Variants in TYW1 observed in about 807,000 individuals in gnomAD.
TYW1 encodes S-adenosyl-L-methionine-dependent tRNA 4-demethylwyosine synthase TYW1.
Under a neutral mutation model 96.2 loss-of-function variants are expected in TYW1, and 46 were observed. That is an observed-to-expected ratio of 0.48 (90% CI 0.38 to 0.61). The LOEUF (loss-of-function observed/expected upper bound fraction) is 0.61. Among genes scored for constraint, TYW1 ranks in the 20% least tolerant of loss-of-function variants. TYW1 has a pLI of 0.00. For synonymous variants in TYW1, 274 were observed against 323.0 expected (o/e 0.85, Z 1.63); for missense variants, 684 against 909.6 (o/e 0.75, Z 3.19).
chr7:67,073,684 G>A (rs1796108218), intron 10 of TYW1, among the ~76,000 whole-genome samples: 1 of 136,670 alleles, frequency 7.3e-6, no homozygotes, highest in Non-Finnish European at 1.5e-5. Flanking sequence ...TGAGGCAGGA[G>A]AACTGCTTGA....
chr7:67,039,406 C>T (rs1166455019), intron 7 of TYW1, among the ~76,000 whole-genome samples: 1 of 150,034 alleles, frequency 6.7e-6, no homozygotes, highest in Non-Finnish European at 1.5e-5. Context: ...TGCAGTGAGC[C>T]GAGATCCCGC....
At chr7:67,186,879 C>A (rs1800042461) in intron 14 of TYW1, among the ~76,000 whole-genome samples, 1 of 152,024 alleles carries the variant, frequency 6.6e-6, no homozygotes, top group East Asian at 1.9e-4. Flanking sequence ...TTTGTGAGCT[C>A]TCTCCATGTG....
intron 15 of TYW1, among the ~76,000 whole-genome samples, chr7:67,226,507 A>C (rs558081275): frequency 6.6e-6 from 1 of 152,284 alleles, no homozygotes; most frequent in African/African-American, 2.4e-5. Flanking sequence ...TCAAGAGGAC[A>C]TCTTCAGTTC....
chr7:67,238,178 T>C, intron 15 of TYW1, 130 bp from the exon 16 acceptor site: 1 of 1,371,112 alleles, frequency 7.3e-7, no homozygotes, highest in Non-Finnish European at 9.8e-7. Flanking sequence ...TTTTTTTGTG[T>C]TTGTTTTTGT....
chr7:67,220,292 C>T (rs1377130410), intron 15 of TYW1, among the ~76,000 whole-genome samples: 10 of 149,420 alleles, frequency 6.7e-5, no homozygotes, highest in Admixed American at 2.0e-4. Flanking sequence ...CAAGCTCCGC[C>T]TCCCGGGTTC....
At chr7:67,205,831 G>C (rs1800779732) in intron 15 of TYW1, among the ~76,000 whole-genome samples, 1 of 151,924 alleles carries the variant, frequency 6.6e-6, no homozygotes, top group Admixed American at 6.6e-5. Flanking sequence ...CGCAGCCATT[G>C]GTGTTTCTGG....
intron 11 of TYW1, among the ~76,000 whole-genome samples, chr7:67,093,224 C>A (rs1321528502): frequency 6.6e-6 from 1 of 152,114 alleles, no homozygotes; most frequent in East Asian, 1.9e-4. Flanking sequence ...AAAACATTTG[C>A]AGCTAGCACG....
chr7:67,020,243 A>T (rs1187533260), intron 6 of TYW1, among the ~76,000 whole-genome samples: 1 of 152,270 alleles, frequency 6.6e-6, no homozygotes, highest in Non-Finnish European at 1.5e-5. Flanking sequence ...AGTAGACAGG[A>T]TGGTGGCTCA....
chr7:67,100,814 A>G (rs1285611426), intron 12 of TYW1, among the ~76,000 whole-genome samples: 1 of 150,294 alleles, frequency 6.7e-6, no homozygotes, highest in Admixed American at 6.7e-5. Flanking sequence ...CAGTGAGCCA[A>G]GATCACGCCA....
At chr7:67,089,640 G>A (rs1465761048) in intron 11 of TYW1, among the ~76,000 whole-genome samples, 7 of 152,180 alleles carry the variant, frequency 4.6e-5, no homozygotes, top group Non-Finnish European at 1.0e-4. Flanking sequence ...TCCCCAACTG[G>A]AGCTACGTGG....
At chr7:67,017,115 C>T (rs1002185273) in intron 5 of TYW1, among the ~76,000 whole-genome samples, 1 of 151,536 alleles carries the variant, frequency 6.6e-6, no homozygotes, top group Non-Finnish European at 1.5e-5. Context: ...TACAAGTAGC[C>T]TGAATTATAG....
At chr7:67,016,263 T>TA (rs1794019694) in intron 5 of TYW1, among the ~76,000 whole-genome samples, 2 of 144,728 alleles carry the variant, frequency 1.4e-5, no homozygotes, top group Admixed American at 7.6e-5. Flanking sequence ...AAAAGCTGTT[T>TA]ACGGCCGGGC....
intron 13 of TYW1, among the ~76,000 whole-genome samples, chr7:67,165,793 G>A (rs141922724): frequency 0.034 from 5,163 of 152,148 alleles, 263 homozygotes; most frequent in African/African-American, 0.12. Context: ...AGCCAGGTGC[G>A]GTGGCACACA....
intron 3 of TYW1, among the ~76,000 whole-genome samples, chr7:67,003,574 G>A (rs572387656): frequency 1.2e-3 from 183 of 151,698 alleles, no homozygotes; most frequent in African/African-American, 4.1e-3. Context: ...GAGGATTACA[G>A]AATTGTTTTG....
intron 14 of TYW1, among the ~76,000 whole-genome samples, chr7:67,192,383 A>G (rs994257927): frequency 2.6e-5 from 4 of 152,212 alleles, no homozygotes; most frequent in Non-Finnish European, 5.9e-5. Flanking sequence ...AAATATTAAA[A>G]TATTTTCAAA....
intron 8 of TYW1, among the ~76,000 whole-genome samples, chr7:67,051,724 G>A (rs1024746699): frequency 1.4e-3 from 167 of 118,242 alleles, no homozygotes; most frequent in Non-Finnish European, 2.2e-3. Context: ...GACTGTTTTT[G>A]TTTTTTTGTT....
At chr7:66,999,014 A>G in intron 3 of TYW1, 60 bp downstream of exon 3, 1 of 1,579,584 alleles carries the variant, frequency 6.3e-7, no homozygotes, top group Non-Finnish European at 8.6e-7. Context: ...AAATCCCTTT[A>G]GCAGTGAACT....
At chr7:67,130,739 A>AT (rs1215318501) in intron 13 of TYW1, among the ~76,000 whole-genome samples, 1 of 152,074 alleles carries the variant, frequency 6.6e-6, no homozygotes, top group African/African-American at 2.4e-5. Flanking sequence ...TCTGAATAAT[A>AT]TTTTTTAATA....
intron 12 of TYW1, among the ~76,000 whole-genome samples, chr7:67,105,671 T>C (rs1484032277): frequency 6.6e-6 from 1 of 152,176 alleles, no homozygotes. Context: ...CTGCCACTTG[T>C]CAGAGGTATT....
Sources: allele counts gnomAD v4.1 joint callset (sites outside exome capture counted in the v4.1 genomes callset), GRCh38; gene constraint gnomAD v4.1.1; transcripts MANE v1.5; gene names NCBI Gene and HGNC (gene_info 2026-07-23, HGNC 2026-07-21).